Variants in RIN2 observed in about 807,000 individuals in gnomAD.
RIN2 encodes RAB5 interacting protein 2.
Under a neutral mutation model 78.0 loss-of-function variants are expected in RIN2, and 36 were observed. That is an observed-to-expected ratio of 0.46 (90% CI 0.35 to 0.61). The LOEUF (loss-of-function observed/expected upper bound fraction) is 0.61. Among genes scored for constraint, RIN2 ranks in the 20% least tolerant of loss-of-function variants. The pLI is 0.00. For missense variants in RIN2, 1,087 were observed against 1,159.7 expected (o/e 0.94, Z 0.91); for synonymous variants, 466 against 466.8 (o/e 1.00, Z 0.02).
chr20:19,827,666 A>C (rs1033193307), intron 2 of RIN2, among the ~76,000 whole-genome samples: 5 of 152,170 alleles, frequency 3.3e-5, no homozygotes, highest in African/African-American at 7.2e-5. Flanking sequence ...GTACGCCCTT[A>C]TGACCGCCAA....
At chr20:19,985,725 A>G (rs2042600950) in intron 9 of RIN2, among the ~76,000 whole-genome samples, 1 of 152,190 alleles carries the variant, frequency 6.6e-6, no homozygotes, top group Non-Finnish European at 1.5e-5. Flanking sequence ...CAGCAACAAC[A>G]AAAAGACCTT....
chr20:19,874,874 T>A (rs1320180229), intron 2 of RIN2, among the ~76,000 whole-genome samples: 2 of 151,908 alleles, frequency 1.3e-5, no homozygotes, highest in African/African-American at 4.8e-5. Flanking sequence ...TATTTTTTAT[T>A]TTTTGAGACA....
Position 19,990,062 on chromosome 20 carries a change from G to T in RIN2, c.1819G>T (p.Val607Leu), listed in dbSNP as rs575189955. ...KCILKPLKGH[V>L]EAMLKDFHMA... is the part of the protein sequence containing the mutation. ...CATCTTGAAGCCCCTCAAGGGGCAC[G>T]TGGAGGCCATGCTGAAGGACTTTCA... Residue 607 changes from valine to leucine, a missense_variant, in exon 10 of 13, where the codon GTG (valine) becomes TTG (leucine). Transcript: ENST00000255006. 1.3e-6 allele frequency: 2 copies of T among 1,598,998 alleles called. No individual in the cohort carries two copies. Among genetic ancestry groups the T allele is most frequent in the South Asian group, 2.3e-5 (2 of 88,490 alleles).
At chr20:19,790,158 A>G (rs984406002) in intron 1 of RIN2, among the ~76,000 whole-genome samples, 4 of 152,016 alleles carry the variant, frequency 2.6e-5, no homozygotes, top group African/African-American at 9.7e-5. Flanking sequence ...AGACTTATTC[A>G]TTTGTCTCTA....
intron 4 of RIN2, among the ~76,000 whole-genome samples, chr20:19,946,949 C>T (rs1041520548): frequency 6.7e-6 from 1 of 148,184 alleles, no homozygotes; most frequent in Admixed American, 6.8e-5. Context: ...GAGAATTGCT[C>T]GAACCCAGGA....
At chr20:19,858,111 GGTCT>G (rs1481691070) in intron 2 of RIN2, among the ~76,000 whole-genome samples, 2 of 143,798 alleles carry the variant, frequency 1.4e-5, no homozygotes, top group Non-Finnish European at 3.0e-5. Flanking sequence ...CCCTTTTTAT[GGTCT>G]GTCTTTTTTT....
At chr20:19,968,958 C>G (rs2042020385) in intron 7 of RIN2, among the ~76,000 whole-genome samples, 1 of 150,066 alleles carries the variant, frequency 6.7e-6, no homozygotes, top group South Asian at 2.1e-4. Flanking sequence ...AGTGGCCAAG[C>G]AAAGGGGGTG....
At chr20:19,941,897 G>A (rs1207221180) in intron 4 of RIN2, among the ~76,000 whole-genome samples, 4 of 152,140 alleles carry the variant, frequency 2.6e-5, no homozygotes, top group African/African-American at 9.6e-5. Flanking sequence ...GGTGGATCAC[G>A]AGGTCAGGAG....
chr20:19,972,026 G>A (rs1024815129), intron 8 of RIN2, among the ~76,000 whole-genome samples: 3 of 152,138 alleles, frequency 2.0e-5, no homozygotes, highest in Non-Finnish European at 2.9e-5. Flanking sequence ...ACAGGCGTGC[G>A]CCACTGTGCT....
chr20:19,903,418 T>C (rs891547421), intron 3 of RIN2, among the ~76,000 whole-genome samples: 3 of 152,196 alleles, frequency 2.0e-5, no homozygotes, highest in Non-Finnish European at 4.4e-5. Context: ...ATTGTGTCTG[T>C]GTTGTTTATG....
intron 4 of RIN2, among the ~76,000 whole-genome samples, chr20:19,945,777 G>A (rs1600896243): frequency 6.6e-6 from 1 of 152,110 alleles, no homozygotes; most frequent in East Asian, 1.9e-4. Flanking sequence ...CTTGAGCTTA[G>A]AAGGGGTGTC....
chr20:19,936,580 G>A (rs189562584), intron 4 of RIN2, among the ~76,000 whole-genome samples: 87 of 152,272 alleles, frequency 5.7e-4, no homozygotes, highest in Non-Finnish European at 1.1e-3. Context: ...GACACAGAGC[G>A]GCGGAAACCT....
intron 10 of RIN2, among the ~76,000 whole-genome samples, chr20:19,990,651 T>C (rs567974692): frequency 1.4e-4 from 21 of 152,202 alleles, no homozygotes; most frequent in African/African-American, 5.1e-4. Flanking sequence ...GCCCCCTTAA[T>C]CAACCTTGCA....
chr20:19,841,314 T>G (rs751768616), intron 2 of RIN2, among the ~76,000 whole-genome samples: 1 of 152,050 alleles, frequency 6.6e-6, no homozygotes, highest in Non-Finnish European at 1.5e-5. Context: ...TTACTGTGAT[T>G]TTTTTGGCAG....
intron 4 of RIN2, among the ~76,000 whole-genome samples, chr20:19,945,525 G>A (rs1042133330): frequency 5.3e-5 from 8 of 152,100 alleles, no homozygotes; most frequent in Admixed American, 2.0e-4. Flanking sequence ...CACTTTTGTT[G>A]GAATCCTAAA....
In RIN2 at chr20:19,789,341, C is replaced by T. The variant is rs188371156; in HGVS notation, c.-162-10281C>T. 3.4e-3 allele frequency among the ~76,000 whole-genome samples: 522 copies of T among 152,282 alleles called. 4 individuals are homozygous for T. Among genetic ancestry groups the T allele is most frequent in the African/African-American group, 0.011 (475 of 41,550 alleles). The stretch of plus-strand genomic sequence containing the variant: ...AGAAAAAATACAAGAGAAATATCTT[C>T]GTGAACTTGGGATATGCGAAGATTT... On this transcript the variant is annotated intron_variant, in intron 1 of 12. Transcript: ENST00000255006.
chr20:19,825,712 CTG>C (rs2036070234), intron 2 of RIN2, among the ~76,000 whole-genome samples: 1 of 152,234 alleles, frequency 6.6e-6, no homozygotes, highest in African/African-American at 2.4e-5. Flanking sequence ...TTGGGCAACT[CTG>C]TCACTGAGCT....
chr20:19,883,496 T>A (rs566164441), intron 2 of RIN2, among the ~76,000 whole-genome samples: 2 of 152,024 alleles, frequency 1.3e-5, no homozygotes, highest in Non-Finnish European at 2.9e-5. Context: ...CTCACCACCA[T>A]GCCTGGCTCA....
At chr20:19,952,156 C>T (rs990427483) in intron 4 of RIN2, among the ~76,000 whole-genome samples, 8 of 152,298 alleles carry the variant, frequency 5.3e-5, no homozygotes, top group Non-Finnish European at 8.8e-5. Context: ...GTTGTCTCAA[C>T]TCAAGGCTAG....
Sources: allele counts gnomAD v4.1 joint callset (sites outside exome capture counted in the v4.1 genomes callset), GRCh38; gene constraint gnomAD v4.1.1; transcripts MANE v1.5; gene names NCBI Gene and HGNC (gene_info 2026-07-23, HGNC 2026-07-21).